SHANK2: variants seen among roughly 807,000 people sequenced by gnomAD.
The protein encoded by SHANK2 is SH3 and multiple ankyrin repeat domains protein 2.
Under a neutral mutation model 133.7 loss-of-function variants are expected in SHANK2, and 43 were observed. The ratio of observed to expected loss-of-function variants is 0.32; its 90% CI spans 0.25 to 0.41. The LOEUF (loss-of-function observed/expected upper bound fraction) is 0.41, where lower values mean the gene tolerates loss of function less well. Ranked by LOEUF, SHANK2 falls within the 10% of genes least tolerant of loss-of-function variation. The probability of loss-of-function intolerance (pLI) is 1.00; values close to 1 mark genes in which losing one functional copy is unlikely to be tolerated. For synonymous variants in SHANK2, 1,017 were observed against 952.8 expected, an observed-to-expected ratio of 1.07 and a Z score of -1.24; for missense variants, 1,994 against 2,235.8, an observed-to-expected ratio of 0.89 and a Z score of 2.18.
At chr11:70,662,669 G>A (rs555237256) in intron 15 of SHANK2, among the ~76,000 whole-genome samples, 1 of 152,234 alleles carries the variant, frequency 6.6e-6, no homozygotes, top group Admixed American at 6.5e-5. Flanking sequence ...AGCCACAACT[G>A]CTTGCCTCTA....
intron 17 of SHANK2, among the ~76,000 whole-genome samples, chr11:70,598,738 C>T (rs150317755): frequency 5.9e-5 from 9 of 152,276 alleles, no homozygotes; most frequent in Admixed American, 1.3e-4. Flanking sequence ...TCGGGTTTAT[C>T]TTAGGAAGCT....
At chr11:70,874,986 G>A (rs1949534058) in intron 11 of SHANK2, among the ~76,000 whole-genome samples, 1 of 152,134 alleles carries the variant, frequency 6.6e-6, no homozygotes, top group Non-Finnish European at 1.5e-5. Flanking sequence ...GCTTCCCCAA[G>A]TTAATGTTCA....
intron 11 of SHANK2, among the ~76,000 whole-genome samples, chr11:70,855,807 T>C (rs1405903358): frequency 3.3e-5 from 5 of 152,150 alleles, no homozygotes; most frequent in Admixed American, 2.6e-4. Flanking sequence ...GCATGGATTG[T>C]TGGATGAATG....
chr11:70,856,826 C>A (rs1949179739), intron 11 of SHANK2, among the ~76,000 whole-genome samples: 1 of 152,148 alleles, frequency 6.6e-6, no homozygotes. Flanking sequence ...CAAACATCTG[C>A]CAATCTGTGC....
chr11:70,705,988 A>G (rs1945654737), intron 14 of SHANK2: 2 of 152,282 alleles, frequency 1.3e-5, no homozygotes, highest in Non-Finnish European at 2.9e-5. Flanking sequence ...CAGCTTCCCA[A>G]TGCAACCAGA....
chr11:70,666,890 G>C (rs566920095), intron 15 of SHANK2, among the ~76,000 whole-genome samples: 4 of 152,162 alleles, frequency 2.6e-5, no homozygotes, highest in African/African-American at 9.6e-5. Flanking sequence ...ATCCAGCGGC[G>C]CACTCCCCAA....
intron 10 of SHANK2, among the ~76,000 whole-genome samples, chr11:70,953,275 C>T (rs1241552676): frequency 6.6e-6 from 1 of 151,892 alleles, no homozygotes; most frequent in Non-Finnish European, 1.5e-5. Flanking sequence ...TCAGGGATCT[C>T]CAGAGGGACA....
At chr11:70,930,874 C>T (rs1056321530) in intron 10 of SHANK2, among the ~76,000 whole-genome samples, 3 of 150,716 alleles carry the variant, frequency 2.0e-5, no homozygotes, top group Non-Finnish European at 4.4e-5. Flanking sequence ...ACTATTTTGC[C>T]TGGGGTAGTC....
chr11:71,250,874 G>T (rs1407216799), intron 1 of SHANK2, among the ~76,000 whole-genome samples: 1 of 152,154 alleles, frequency 6.6e-6, no homozygotes, highest in Admixed American at 6.5e-5. Flanking sequence ...CCCACCGGGG[G>T]ACTTCCGAAA....
At chr11:70,657,507 C>T (rs782126883) in intron 17 of SHANK2, among the ~76,000 whole-genome samples, 22 of 152,128 alleles carry the variant, frequency 1.4e-4, no homozygotes, top group Non-Finnish European at 2.1e-4. Context: ...TTTCTGAGTC[C>T]CAGAGGCAGC....
intron 2 of SHANK2, among the ~76,000 whole-genome samples, chr11:71,166,968 A>C (rs1953165325): frequency 7.2e-6 from 1 of 138,832 alleles, no homozygotes; most frequent in Admixed American, 7.1e-5. Context: ...TGGGTACTTG[A>C]GATTAGGGAG....
chr11:70,823,266 C>T (rs1664187), intron 11 of SHANK2, among the ~76,000 whole-genome samples: 2 of 58,406 alleles, frequency 3.4e-5, no homozygotes, highest in East Asian at 5.4e-4. Context: ...GCAGAGTTCA[C>T]GGGGGACAGA....
chr11:71,063,792 T>C (rs977610167), intron 9 of SHANK2, among the ~76,000 whole-genome samples: 1 of 152,178 alleles, frequency 6.6e-6, no homozygotes, highest in Admixed American at 6.5e-5. Flanking sequence ...AAGAAGAATA[T>C]CATTTTCACT....
chr11:71,245,211 C>A (rs919548689), intron 1 of SHANK2, among the ~76,000 whole-genome samples: 2 of 152,032 alleles, frequency 1.3e-5, no homozygotes, highest in Admixed American at 1.3e-4. Flanking sequence ...AATTCCTGGC[C>A]TCAAGCAATC....
At chr11:71,107,833 G>A (rs553677908) in intron 6 of SHANK2, among the ~76,000 whole-genome samples, 7 of 152,322 alleles carry the variant, frequency 4.6e-5, no homozygotes, top group Admixed American at 2.6e-4. Context: ...AGGAAGCCAG[G>A]GGGAGGCTTG....
At chr11:70,594,820 T>C (rs1201183827) in intron 17 of SHANK2, among the ~76,000 whole-genome samples, 7 of 152,170 alleles carry the variant, frequency 4.6e-5, no homozygotes, top group African/African-American at 1.7e-4. Flanking sequence ...GCCCTTTCGC[T>C]ATGGCCCAAG....
intron 17 of SHANK2, among the ~76,000 whole-genome samples, chr11:70,627,699 A>C (rs1471245702): frequency 6.6e-6 from 1 of 152,242 alleles, no homozygotes; most frequent in Non-Finnish European, 1.5e-5. Context: ...AAATTCACGT[A>C]TGCTTTATAC....
chr11:70,675,920 T>C, intron 15 of SHANK2, among the ~76,000 whole-genome samples: 1 of 152,174 alleles, frequency 6.6e-6, no homozygotes, highest in African/African-American at 2.4e-5. Flanking sequence ...TATGGCTGTG[T>C]TTTATGATTC....
intron 17 of SHANK2, among the ~76,000 whole-genome samples, chr11:70,596,841 G>T (rs1188785553): frequency 6.6e-6 from 1 of 152,208 alleles, no homozygotes; most frequent in Non-Finnish European, 1.5e-5. Flanking sequence ...CGGAGGAGGA[G>T]AGAACAGAGG....
Sources: allele counts gnomAD v4.1 joint callset (sites outside exome capture counted in the v4.1 genomes callset), GRCh38; gene constraint gnomAD v4.1.1; transcripts MANE v1.5; gene names NCBI Gene and HGNC (gene_info 2026-07-23, HGNC 2026-07-21).